Variants in WDR18 observed in about 807,000 individuals in gnomAD.
WDR18 encodes the protein WD repeat-containing protein 18.
A neutral mutation model predicts 49.6 loss-of-function variants in WDR18; 33 were observed. That is an observed-to-expected ratio of 0.67 (90% CI 0.50 to 0.89). WDR18 has a LOEUF of 0.89. Ranked by LOEUF, WDR18 falls within the 40% of genes least tolerant of loss-of-function variation. The pLI is 0.00. For missense variants in WDR18, 653 were observed against 593.6 expected, an observed-to-expected ratio of 1.10 and a Z score of -1.04; for synonymous variants, 315 against 263.6, an observed-to-expected ratio of 1.19 and a Z score of -1.89.
chr19:984,287 C>T, upstream of WDR18: 2 of 1,437,638 alleles, frequency 1.4e-6, no homozygotes, highest in South Asian at 1.4e-5. Flanking sequence ...GCCGCTCTGG[C>T]CCGCGTGGGG....
chr19:984,060 C>G (rs2038446386), upstream of WDR18, among the ~76,000 whole-genome samples: 1 of 152,094 alleles, frequency 6.6e-6, no homozygotes, highest in Admixed American at 6.5e-5. Context: ...CCAAAAATGC[C>G]CAGGAGGAAA....
At chr19:983,611 C>T (rs143591730), upstream of WDR18, among the ~76,000 whole-genome samples, 82 of 151,660 alleles carry the variant, frequency 5.4e-4, no homozygotes, top group African/African-American at 1.9e-3. Context: ...GACGGGCAGC[C>T]GTGACATGAA....
At chr19:994,111 CG>C in intron 9 of WDR18, 23 bp downstream of exon 9, 1 of 1,549,986 alleles carries the variant, frequency 6.5e-7, no homozygotes, top group South Asian at 1.2e-5. Context: ...TCGGGAGGGG[CG>C]GGGCCTGAGG....
At chr19:986,601 A>G (rs1453352942) in intron 2 of WDR18, among the ~76,000 whole-genome samples, 1 of 152,166 alleles carries the variant, frequency 6.6e-6, no homozygotes, top group Non-Finnish European at 1.5e-5. Flanking sequence ...TGGACCAACC[A>G]GGTGACAGCA....
At position 994,087 on chromosome 19, in the gene WDR18, A is replaced by C; in HGVS notation, c.1166A>C (p.Lys389Thr). 6.4e-7 allele frequency: 1 copy of C among 1,554,528 alleles called. No homozygotes were observed. The highest frequency in any genetic ancestry group is 8.7e-7 in the Non-Finnish European group (1 of 1,150,612). ...LQAVLCSTME[K>T]SVLGGQDQLR... ...GCCGTCCTGTGCAGCACCATGGAGA[A>C]GGTGGGCGGGGCCTCGGGAGGGGCG... The change falls in exon 9 of 10, where the codon AAG becomes ACG. Residue 389 changes from lysine (K) to threonine (T), a missense_variant and splice_region_variant. Physicochemically the swap from Lys to Thr is moderately conservative, Grantham distance 78 (BLOSUM62 -1). Coordinates refer to ENST00000585809, the MANE Select transcript of WDR18 (RefSeq NM_024100.4).
Position 994,024 on chromosome 19 carries a change from C to T in WDR18, c.1103C>T (p.Ser368Leu), listed in dbSNP as rs759410596. 2.4e-5 allele frequency: 38 copies of T among 1,554,428 alleles called. No homozygotes were observed. In the Middle Eastern group the frequency reaches 6.7e-4, roughly 27 times the overall value. Residue 368 changes from serine to leucine, a missense_variant, in exon 9 of 10, where the codon TCG (serine) becomes TTG (leucine). Coordinates refer to ENST00000585809, the MANE Select transcript of WDR18 (RefSeq NM_024100.4). ...ACGTGGCTCCCTGTGTTACAGGGCTCGGAGCCCAGCTACCTGGACCGCACG... is the reference window on the plus strand; with the variant it reads ...ACGTGGCTCCCTGTGTTACAGGGCTTGGAGCCCAGCTACCTGGACCGCACG... Reference protein sequence around the residue: ...TLRLGLHQQGSEPSYLDRTEQ... With the variant: ...TLRLGLHQQGLEPSYLDRTEQ...
upstream of WDR18, chr19:984,251 C>T (rs946286975): frequency 1.6e-6 from 2 of 1,244,178 alleles, no homozygotes; most frequent in Non-Finnish European, 2.1e-6. Flanking sequence ...ATGCGCGGGT[C>T]GGCCACCCGC....
At chr19:987,131 C>A (rs1039537122) in intron 2 of WDR18, among the ~76,000 whole-genome samples, 3 of 152,180 alleles carry the variant, frequency 2.0e-5, no homozygotes, top group Non-Finnish European at 2.9e-5. Flanking sequence ...TCACTTGAGG[C>A]CAGGAGTTCA....
rs375733070 is a variant in WDR18 at position 984,487 on chromosome 19, C to T, written c.134C>T (p.Ala45Val). The change falls in exon 1 of 10, where the codon GCG becomes GTG. Residue 45 changes from alanine (A) to valine (V), a missense_variant. Transcript: ENST00000585809. Reference protein sequence around the residue: ...RGGQAGPRGLALLNGEYLLAA... With the variant: ...RGGQAGPRGLVLLNGEYLLAA... ...GGCCAGGCGGGACCCCGCGGCCTGG[C>T]GCTGCTCAATGGCGAGTATCTGCTG... is the stretch of plus-strand genomic sequence containing the variant. 1.0e-5 allele frequency: 16 copies of T among 1,569,286 alleles called. No homozygotes were observed. The highest frequency in any genetic ancestry group is 1.3e-5 in the Non-Finnish European group (15 of 1,160,082).
intron 8 of WDR18, among the ~76,000 whole-genome samples, chr19:993,390 G>A (rs565688226): frequency 6.6e-6 from 1 of 152,312 alleles, no homozygotes; most frequent in South Asian, 2.1e-4. Flanking sequence ...CGGTAATGCC[G>A]CCACCTTTCC....
Position 992,191 on chromosome 19 carries a change from C to G in WDR18, c.1098+70C>G, listed in dbSNP as rs1052661638. The stretch of plus-strand genomic sequence containing the variant: ...AGACCCCGCGGGCCCTGGGCTCCTT[C>G]GCTCCCTTGGTCCTGGCGCCCGTGC... On this transcript the variant is annotated intron_variant, in intron 8 of 9. Transcript: ENST00000585809. 2.9e-6 allele frequency: 4 copies of G among 1,384,484 alleles called. No homozygotes were observed. The Admixed American group carries it at 1.0e-4, about 35-fold the overall frequency. The allele number at this position is 1,384,484 out of a possible 1,614,324, so 85.8% of individuals were successfully genotyped here.
At chr19:990,114 C>A in intron 3 of WDR18, 109 bp from the exon 4 acceptor site, 1 of 1,409,888 alleles carries the variant, frequency 7.1e-7, no homozygotes, top group South Asian at 1.4e-5. Context: ...GTGAGGCAGG[C>A]CAGGCTGCTG....
At chr19:983,499 T>C (rs76697132), upstream of WDR18, among the ~76,000 whole-genome samples, 6,749 of 150,898 alleles carry the variant, frequency 0.045, 369 homozygotes, top group African/African-American at 0.12. Context: ...TGATCTCAGG[T>C]AATCCACCCA....
rs528201301 is a variant in WDR18, at chr19:986,200, C to T, written c.321+225C>T. Among the ~76,000 whole-genome samples the T allele has an allele frequency of 9.2e-5, 14 of 152,340 alleles. No individual in the cohort carries two copies. In the South Asian group the frequency reaches 2.1e-3, roughly 23 times the overall value. ...CTGCCTTGAGTGCTTGGATAGAGCC[C>T]GGTGCAGCCCAGTCCCCGGCACTCA... On this transcript the variant is annotated intron_variant, in intron 2 of 9. Transcript: ENST00000585809.
intron 8 of WDR18, among the ~76,000 whole-genome samples, chr19:993,119 G>A (rs1241624448): frequency 2.0e-5 from 3 of 152,248 alleles, no homozygotes; most frequent in Non-Finnish European, 4.4e-5. Context: ...ACTGCAAGGA[G>A]GCCAGGAGCA....
intron 2 of WDR18, among the ~76,000 whole-genome samples, chr19:987,452 G>C (rs2038486526): frequency 6.6e-6 from 1 of 152,144 alleles, no homozygotes; most frequent in Non-Finnish European, 1.5e-5. Context: ...TTTTTGAGAT[G>C]GGGTCTCACT....
At chr19:984,114 C>T (rs773166536), upstream of WDR18, among the ~76,000 whole-genome samples, 5 of 152,218 alleles carry the variant, frequency 3.3e-5, no homozygotes, top group Non-Finnish European at 7.3e-5. Flanking sequence ...TAACTGATCG[C>T]CGGAGACCCT....
At chr19:983,482 G>A (rs1037294790), upstream of WDR18, among the ~76,000 whole-genome samples, 1 of 151,042 alleles carries the variant, frequency 6.6e-6, no homozygotes, top group African/African-American at 2.4e-5. Context: ...GGGTAGTCTC[G>A]AACTCCTGAT....
At chr19:990,148 G>A (rs2145509268) in intron 3 of WDR18, 75 bp from the exon 4 acceptor site, 2 of 1,480,898 alleles carry the variant, frequency 1.4e-6, no homozygotes, top group Non-Finnish European at 9.0e-7. Flanking sequence ...GTGTGCGTGA[G>A]GTGGGTGCTG....
Sources: gnomAD v4.1 joint callset for allele counts (sites outside exome capture counted in the v4.1 genomes callset) on GRCh38, gnomAD v4.1.1 for gene constraint, MANE v1.5 for transcripts, NCBI Gene and HGNC (gene_info 2026-07-23, HGNC 2026-07-21) for gene names.